PARD3B: variants seen among roughly 807,000 people sequenced by gnomAD.
PARD3B encodes partitioning defective 3 homolog B.
PARD3B carries 103 observed loss-of-function variants against 130.2 expected under a neutral mutation model. That is an observed-to-expected ratio of 0.79 (90% CI 0.67 to 0.93). PARD3B has a LOEUF of 0.93. Among genes scored for constraint, PARD3B ranks in the 40% least tolerant of loss-of-function variants. PARD3B has a pLI of 0.00. For synonymous variants in PARD3B, 583 were observed against 553.2 expected, an observed-to-expected ratio of 1.05 and a Z score of -0.76; for missense variants, 1,609 against 1,499.2, an observed-to-expected ratio of 1.07 and a Z score of -1.21.
chr2:204,951,493 A>G (rs1368998511), intron 2 of PARD3B, among the ~76,000 whole-genome samples: 13 of 152,170 alleles, frequency 8.5e-5, no homozygotes, highest in Non-Finnish European at 1.5e-5. Flanking sequence ...CCACTTCTGT[A>G]GCCTGTTTAT....
chr2:205,191,287 C>T (rs1036961701), intron 14 of PARD3B, among the ~76,000 whole-genome samples: 2 of 152,096 alleles, frequency 1.3e-5, no homozygotes, highest in Admixed American at 6.5e-5. Context: ...CAATATATAA[C>T]GTAACTTACG....
intron 1 of PARD3B, among the ~76,000 whole-genome samples, chr2:204,602,840 A>G (rs2033569250): frequency 6.6e-6 from 1 of 152,136 alleles, no homozygotes; most frequent in African/African-American, 2.4e-5. Context: ...GATTTTATAA[A>G]ATGTATTCTA....
chr2:205,092,675 A>T (rs569052521), intron 4 of PARD3B, among the ~76,000 whole-genome samples: 1 of 152,234 alleles, frequency 6.6e-6, no homozygotes, highest in South Asian at 2.1e-4. Context: ...CAAGAGGTTC[A>T]AAACAGATTT....
intron 16 of PARD3B, among the ~76,000 whole-genome samples, chr2:205,295,397 T>C (rs2041752779): frequency 6.6e-6 from 1 of 152,192 alleles, no homozygotes; most frequent in South Asian, 2.1e-4. Context: ...ATAATCTTGA[T>C]CCCTAATTTA....
intron 20 of PARD3B, among the ~76,000 whole-genome samples, chr2:205,443,404 TAGAG>T (rs1039634617): frequency 1.2e-4 from 19 of 152,240 alleles, no homozygotes; most frequent in African/African-American, 4.1e-4. Context: ...TTAGGGAAGA[TAGAG>T]AGATGATTAA....
rs537781296 is a variant in PARD3B at position 205,295,825 on chromosome 2, A to G, written c.2186-4705A>G. On this transcript the variant is annotated intron_variant, in intron 16 of 22. Transcript: ENST00000406610. ...TAAGACTCCACTATTAATCTATCTT[A>G]TCACAATGGCCTCTATATGTGATGA... is the stretch of plus-strand genomic sequence containing the variant. Among the ~76,000 whole-genome samples, 4 of 152,320 alleles carry G rather than the reference A, an allele frequency of 2.6e-5. 1 individual carries two copies. Among genetic ancestry groups the G allele is most frequent in the Middle Eastern group, 6.8e-3 (2 of 294 alleles).
At chr2:205,238,053 C>A (rs1332338471) in intron 15 of PARD3B, among the ~76,000 whole-genome samples, 1 of 152,130 alleles carries the variant, frequency 6.6e-6, no homozygotes, top group Non-Finnish European at 1.5e-5. Context: ...GAATCCTTTG[C>A]TGAATGGACA....
At chr2:204,991,129 G>C (rs2125241593) in intron 3 of PARD3B, among the ~76,000 whole-genome samples, 2 of 151,526 alleles carry the variant, frequency 1.3e-5, no homozygotes, top group African/African-American at 4.9e-5. Context: ...ACATTGTGCA[G>C]GTTAGTTACA....
At chr2:205,017,972 T>TAAC (rs1696279854) in intron 3 of PARD3B, among the ~76,000 whole-genome samples, 1 of 152,328 alleles carries the variant, frequency 6.6e-6, no homozygotes, top group Admixed American at 6.5e-5. Flanking sequence ...TGTTTTTAAA[T>TAAC]AACACTGGAA....
chr2:205,253,798 C>G lies in PARD3B; in HGVS notation c.2185+7976C>G, dbSNP rs541433493. Among the ~76,000 whole-genome samples, 3 of 152,186 alleles carry G rather than the reference C, an allele frequency of 2.0e-5. No individual in the cohort carries two copies. The South Asian group carries it at 6.2e-4, about 32-fold the overall frequency. On this transcript the variant is annotated intron_variant, in intron 16 of 22. Coordinates refer to ENST00000406610, the MANE Select transcript of PARD3B (RefSeq NM_001302769.2). The surrounding 1 kb of genome is among the most constrained non-coding windows in gnomAD (Gnocchi z 4.4). ...AAAAAGGACCAAGTTGGATCTCCTC[C>G]TAACCCTGACCTGCATGATATGGGT...
chr2:205,488,832 C>T (rs2049551497), intron 20 of PARD3B, among the ~76,000 whole-genome samples: 1 of 152,112 alleles, frequency 6.6e-6, no homozygotes, highest in South Asian at 2.1e-4. Context: ...CTATTCTGCC[C>T]CCAAGCCTCT....
In PARD3B at chr2:205,615,725, G is replaced by C; in HGVS notation, c.3530G>C (p.Arg1177Thr). 1.9e-6 allele frequency: 3 copies of C among 1,614,076 alleles called. No individual in the cohort carries two copies. In the South Asian group the frequency reaches 3.3e-5, roughly 18 times the overall value. Residue 1177 changes from arginine to threonine, a missense_variant, in exon 23 of 23, where the codon AGA (arginine) becomes ACA (threonine). Transcript: ENST00000406610. ...QRMPAYQETG[R>T]PGPRGGSPDQ... ...ATGCCAGCCTATCAGGAAACAGGCA[G>C]ACCAGGGCCCCGTGGGGGCAGCCCA...
intron 15 of PARD3B, among the ~76,000 whole-genome samples, chr2:205,224,439 T>G (rs1257187663): frequency 6.6e-6 from 1 of 151,208 alleles, no homozygotes; most frequent in Non-Finnish European, 1.5e-5. Context: ...TAAATTATTG[T>G]TGACTGTAGT....
intron 3 of PARD3B, 92 bp from the exon 4 acceptor site, chr2:205,047,489 G>A (rs1013318230): frequency 5.8e-6 from 4 of 690,370 alleles, no homozygotes; most frequent in South Asian, 4.2e-5. Context: ...ATAAAAGCCT[G>A]TTGTAAACCT....
intron 19 of PARD3B, among the ~76,000 whole-genome samples, chr2:205,404,992 C>G (rs1316243691): frequency 1.3e-5 from 2 of 152,170 alleles, no homozygotes; most frequent in Admixed American, 1.3e-4. Context: ...TCTCTCTCCC[C>G]ATTCATCTAA....
intron 4 of PARD3B, among the ~76,000 whole-genome samples, chr2:205,093,061 T>A (rs1702202516): frequency 6.6e-6 from 1 of 152,144 alleles, no homozygotes; most frequent in Non-Finnish European, 1.5e-5. Context: ...CAGAGATGCC[T>A]CTGGCAATGG....
chr2:204,743,468 T>G (rs1469949156), intron 2 of PARD3B, among the ~76,000 whole-genome samples: 3 of 152,176 alleles, frequency 2.0e-5, no homozygotes, highest in Admixed American at 6.6e-5. Flanking sequence ...AATGACCTGT[T>G]ATAAGCCTGT....
At chr2:204,814,910 A>G (rs2043093551) in intron 2 of PARD3B, among the ~76,000 whole-genome samples, 1 of 151,926 alleles carries the variant, frequency 6.6e-6, no homozygotes, top group Non-Finnish European at 1.5e-5. Context: ...CTTCAGTACA[A>G]GTAAAATTGT....
intron 22 of PARD3B, among the ~76,000 whole-genome samples, chr2:205,567,304 GTTTTTTTTTTTT>G (rs59171178): frequency 1.8e-5 from 1 of 56,374 alleles, no homozygotes; most frequent in Non-Finnish European, 3.1e-5. Flanking sequence ...AACATTCCTT[GTTTTTTTTTTTT>G]TTTTTTTTTT....
Sources: gnomAD v4.1 joint callset for allele counts (sites outside exome capture counted in the v4.1 genomes callset) on GRCh38, gnomAD v4.1.1 for gene constraint, Gnocchi (gnomAD v3.1) non-coding constraint, MANE v1.5 for transcripts, NCBI Gene and HGNC (gene_info 2026-07-23, HGNC 2026-07-21) for gene names.